Variants in NLGN4Y observed in about 807,000 individuals in gnomAD.
NLGN4Y encodes neuroligin 4 Y-linked, also known as neuroligin-4, Y-linked.
In NLGN4Y, 4 loss-of-function variants were observed where a neutral mutation model predicts 8.4. The observed-to-expected ratio is 0.48, with a 90% CI of 0.23 to 1.09. The LOEUF (loss-of-function observed/expected upper bound fraction) is 1.09, where lower values mean the gene tolerates loss of function less well. Among genes scored for constraint, NLGN4Y ranks in the 50% least tolerant of loss-of-function variants. The probability of loss-of-function intolerance (pLI) is 0.19; values close to 1 mark genes in which losing one functional copy is unlikely to be tolerated. For synonymous variants in NLGN4Y, 35 were observed against 75.6 expected (o/e 0.46, Z 2.78); for missense variants, 90 against 192.3 (o/e 0.47, Z 3.15).
rs777284774 is a variant in NLGN4Y at position 14,597,346 on chromosome Y, C to T, written c.-111-24663C>T. The stretch of plus-strand genomic sequence containing the variant: ...TCCACAGTGTGGAAGAGGACCGGAG[C>T]GAGTTGCCAATGCTGGCTCGGGCAG... On this transcript the variant is annotated intron_variant, in intron 1 of 6. Coordinates refer to ENST00000684976, the MANE Select transcript of NLGN4Y (RefSeq NM_001365588.1). Among the ~76,000 whole-genome samples, 5 of 32,605 alleles carry T rather than the reference C, an allele frequency of 1.5e-4. No homozygotes were observed. The East Asian group carries it at 2.5e-3, about 16-fold the overall frequency. 87.5% of individuals were successfully genotyped at this position (32,605 alleles called of 37,273 possible).
chrY:14,615,371 C>A (rs2080485018), intron 1 of NLGN4Y, among the ~76,000 whole-genome samples: 1 of 33,077 alleles, frequency 3.0e-5, no homozygotes, highest in Non-Finnish European at 7.4e-5. Context: ...CAAACAGGTA[C>A]AATTTGACTT....
intron 2 of NLGN4Y, among the ~76,000 whole-genome samples, chrY:14,660,553 CCATTTT>C: frequency 3.4e-5 from 1 of 29,403 alleles, no homozygotes; most frequent in African/African-American, 1.3e-4. Context: ...CCATGTCGGT[CCATTTT>C]TTTTTTTTTT....
intron 2 of NLGN4Y, among the ~76,000 whole-genome samples, chrY:14,682,981 C>A (rs2080775788): frequency 3.1e-5 from 1 of 32,785 alleles, no homozygotes; most frequent in African/African-American, 1.2e-4. Context: ...CCCTGTCACA[C>A]ATACACAAAA....
intron 1 of NLGN4Y, chrY:14,525,015 C>A: frequency 2.8e-5 from 3 of 106,963 alleles, no homozygotes; most frequent in Admixed American, 2.3e-4. Context: ...CCCCGTGCCG[C>A]GCGCAAATCC....
intron 4 of NLGN4Y, among the ~76,000 whole-genome samples, chrY:14,763,111 G>A: frequency 3.0e-5 from 1 of 33,697 alleles, no homozygotes; most frequent in East Asian, 7.7e-4. Context: ...ATTTACGTTT[G>A]CCAAAGAGTA....
chrY:14,674,592 C>T, intron 2 of NLGN4Y, among the ~76,000 whole-genome samples: 1 of 33,183 alleles, frequency 3.0e-5, no homozygotes. Flanking sequence ...AATAAATGGG[C>T]TTCTCTTCAG....
intron 4 of NLGN4Y, among the ~76,000 whole-genome samples, chrY:14,773,209 A>G (rs2081112775): frequency 3.0e-5 from 1 of 33,777 alleles, no homozygotes; most frequent in African/African-American, 1.2e-4. Flanking sequence ...CCAATAAGTA[A>G]CTTCAGCAAA....
rs549954986 is a variant in NLGN4Y at position 14,557,222 on chromosome Y, T to A, written c.-112+32514T>A. Among the ~76,000 whole-genome samples, 22 of 33,859 alleles carry A rather than the reference T, an allele frequency of 6.5e-4. No individual in the cohort carries two copies. In the South Asian group the frequency reaches 0.014, roughly 22 times the overall value. 90.8% of individuals were successfully genotyped at this position (33,859 alleles called of 37,273 possible). A position where few individuals can be genotyped will look rare whatever the true frequency, so the allele number is the denominator to read the frequency against. On this transcript the variant is annotated intron_variant, in intron 1 of 6. Coordinates refer to ENST00000684976, the MANE Select transcript of NLGN4Y (RefSeq NM_001365588.1). ...GTGGCTTTCAAAAGAACAGAGCAGCTTTGGTGACCCCACTTGTTGTGCCAT... is the reference window on the plus strand; with the variant it reads ...GTGGCTTTCAAAAGAACAGAGCAGCATTGGTGACCCCACTTGTTGTGCCAT...
At chrY:14,799,746 C>T (rs2043024598) in intron 4 of NLGN4Y, among the ~76,000 whole-genome samples, 1 of 33,618 alleles carries the variant, frequency 3.0e-5, no homozygotes, top group East Asian at 7.7e-4. Flanking sequence ...CATCACTTGT[C>T]AAAATCCTTC....
chrY:14,540,786 G>A, intron 1 of NLGN4Y, among the ~76,000 whole-genome samples: 1 of 33,370 alleles, frequency 3.0e-5, no homozygotes, highest in South Asian at 6.9e-4. Flanking sequence ...CCACTCAGAG[G>A]CCCCATCTGA....
intron 4 of NLGN4Y, among the ~76,000 whole-genome samples, chrY:14,751,229 C>T: frequency 3.0e-5 from 1 of 33,520 alleles, no homozygotes; most frequent in African/African-American, 1.2e-4. Context: ...ATTATGGACT[C>T]GTGTTATGAA....
chrY:14,620,742 C>T, intron 1 of NLGN4Y, among the ~76,000 whole-genome samples: 1 of 33,609 alleles, frequency 3.0e-5, no homozygotes, highest in Non-Finnish European at 7.4e-5. Flanking sequence ...CCTAGTGAAA[C>T]GTTTTCTGTC....
At chrY:14,812,795 T>TG in intron 4 of NLGN4Y, among the ~76,000 whole-genome samples, 1 of 33,180 alleles carries the variant, frequency 3.0e-5, no homozygotes, top group Non-Finnish European at 7.5e-5. Context: ...AATTTTAACT[T>TG]GCTACAAAAA....
At chrY:14,824,511 A>C in intron 5 of NLGN4Y, 138 bp downstream of exon 5, 2 of 186,823 alleles carry the variant, frequency 1.1e-5, no homozygotes, top group Non-Finnish European at 1.9e-5. Context: ...CAAAAGACAA[A>C]ATGAACCCAT....
intron 4 of NLGN4Y, among the ~76,000 whole-genome samples, chrY:14,742,069 A>T (rs2081007845): frequency 2.9e-5 from 1 of 33,965 alleles, no homozygotes; most frequent in Admixed American, 2.7e-4. Context: ...GAGTTTCCTA[A>T]ACAAGAGAGC....
chrY:14,614,046 T>C, intron 1 of NLGN4Y, among the ~76,000 whole-genome samples: 1 of 33,630 alleles, frequency 3.0e-5, no homozygotes, highest in East Asian at 7.9e-4. Flanking sequence ...TAATTTACGC[T>C]CCCACCAACA....
chrY:14,625,936 G>A (rs2080525934), intron 2 of NLGN4Y, among the ~76,000 whole-genome samples: 1 of 33,962 alleles, frequency 2.9e-5, no homozygotes, highest in Non-Finnish European at 7.3e-5. Flanking sequence ...AGAAAAAGCC[G>A]TAAGTTGAGT....
chrY:14,640,219 C>T, intron 2 of NLGN4Y: 1 of 120,691 alleles, frequency 8.3e-6, no homozygotes, highest in East Asian at 2.4e-4. Flanking sequence ...TTGCTTGTTG[C>T]CAATGGAGCT....
intron 2 of NLGN4Y, among the ~76,000 whole-genome samples, chrY:14,660,535 G>A (rs769842065): frequency 6.7e-5 from 2 of 29,849 alleles, no homozygotes; most frequent in South Asian, 1.6e-3. Flanking sequence ...GACTGCCTAC[G>A]CACAACACCA....
Sources: allele counts gnomAD v4.1 joint callset (sites outside exome capture counted in the v4.1 genomes callset), GRCh38; gene constraint gnomAD v4.1.1; transcripts MANE v1.5; gene names NCBI Gene and HGNC (gene_info 2026-07-23, HGNC 2026-07-21).